The following ULK4 variants were observed in gnomAD, a reference collection of about 807,000 sequenced individuals.
The protein encoded by ULK4 is unc-51 like kinase 4.
ULK4 carries 133 observed loss-of-function variants against 160.6 expected under a neutral mutation model. The observed-to-expected ratio is 0.83, with a 90% CI of 0.72 to 0.96. ULK4 has a LOEUF of 0.96. Ranked by LOEUF, ULK4 falls within the 40% of genes least tolerant of loss-of-function variation. The pLI is 0.00. For missense variants in ULK4, 1,580 were observed against 1,499.5 expected (o/e 1.05, Z -0.89); for synonymous variants, 534 against 539.8 (o/e 0.99, Z 0.15).
intron 34 of ULK4, among the ~76,000 whole-genome samples, chr3:41,442,763 T>C (rs901371858): frequency 3.3e-5 from 5 of 152,116 alleles, no homozygotes; most frequent in African/African-American, 7.2e-5. Context: ...CTGGTCCTTA[T>C]TGTTGATTAT....
At chr3:41,961,689 CGGTCCGCTCTG>C (rs1700679560) in intron 1 of ULK4, among the ~76,000 whole-genome samples, 1 of 152,100 alleles carries the variant, frequency 6.6e-6, no homozygotes, top group East Asian at 1.9e-4. Flanking sequence ...GGTGAAGACG[CGGTCCGCTCTG>C]GGAAGTTAAG....
In ULK4 at chr3:41,746,196, CAA is replaced by C. The variant is rs1435769840; in HGVS notation, c.2321+8163_2321+8164del. Among the ~76,000 whole-genome samples, 2 of 119,846 alleles carry C rather than the reference CAA, an allele frequency of 1.7e-5. 1 individual carries two copies. Among genetic ancestry groups the C allele is most frequent in the African/African-American group, 6.4e-5 (2 of 31,196 alleles). The allele number at this position is 119,846 out of a possible 152,430, so 78.6% of individuals were successfully genotyped here. A position where few individuals can be genotyped will look rare whatever the true frequency, so the allele number is the denominator to read the frequency against. ...GCAATAAAAATAAAGGGCACACAAACAAGAGAGAAGAAAAATAAAACTGTCCA... is the reference window on the plus strand; with the variant it reads ...GCAATAAAAATAAAGGGCACACAAACGAGAGAAGAAAAATAAAACTGTCCA... On this transcript the variant is annotated intron_variant, in intron 22 of 36. Coordinates refer to ENST00000301831, the MANE Select transcript of ULK4 (RefSeq NM_017886.4).
intron 31 of ULK4, among the ~76,000 whole-genome samples, chr3:41,602,973 T>C (rs756952891): frequency 4.6e-5 from 7 of 152,100 alleles, no homozygotes; most frequent in Non-Finnish European, 1.0e-4. Flanking sequence ...GCAGGCTTAA[T>C]ATGTAAAACA....
chr3:41,302,098 G>A (rs752757517), intron 35 of ULK4, among the ~76,000 whole-genome samples: 1 of 152,112 alleles, frequency 6.6e-6, no homozygotes, highest in Non-Finnish European at 1.5e-5. Context: ...AGAATGTTTG[G>A]CAAACAAAGA....
At chr3:41,812,370 T>C (rs1256152777) in intron 19 of ULK4, among the ~76,000 whole-genome samples, 2 of 151,900 alleles carry the variant, frequency 1.3e-5, no homozygotes, top group Non-Finnish European at 2.9e-5. Context: ...CAGATGTAAA[T>C]GATCAGATGG....
intron 3 of ULK4, among the ~76,000 whole-genome samples, chr3:41,936,345 T>C (rs779185489): frequency 2.6e-5 from 4 of 152,236 alleles, no homozygotes; most frequent in Non-Finnish European, 5.9e-5. Flanking sequence ...AAAAAGACTA[T>C]GCCTTTCCTT....
At chr3:41,683,958 G>T (rs906184910) in intron 27 of ULK4, among the ~76,000 whole-genome samples, 2 of 152,170 alleles carry the variant, frequency 1.3e-5, no homozygotes, top group Non-Finnish European at 2.9e-5. Context: ...CTGATAGCAC[G>T]TGGGTCCACA....
At chr3:41,947,285 C>T (rs772910284) in intron 2 of ULK4, among the ~76,000 whole-genome samples, 5 of 152,026 alleles carry the variant, frequency 3.3e-5, no homozygotes, top group Non-Finnish European at 5.9e-5. Context: ...CACTCCAGCC[C>T]GGGCGACAGA....
At chr3:41,284,644 A>G (rs998515001) in intron 35 of ULK4, among the ~76,000 whole-genome samples, 1 of 152,222 alleles carries the variant, frequency 6.6e-6, no homozygotes, top group African/African-American at 2.4e-5. Flanking sequence ...TAAAAATTCT[A>G]GAAGATAACA....
intron 32 of ULK4, among the ~76,000 whole-genome samples, chr3:41,562,538 A>G (rs7617281): frequency 0.62 from 94,367 of 151,958 alleles, 30,299 homozygotes; most frequent in Admixed American, 0.73. Flanking sequence ...TATGAATCTG[A>G]GTGATACTGT....
At chr3:41,827,401 G>C (rs1319144650) in intron 18 of ULK4, among the ~76,000 whole-genome samples, 2 of 152,016 alleles carry the variant, frequency 1.3e-5, no homozygotes, top group South Asian at 2.1e-4. Flanking sequence ...CAACAAAATT[G>C]ATAGACCACT....
rs1416818621 is a variant in ULK4 at position 41,717,845 on chromosome 3, C to T, written c.2338G>A (p.Glu780Lys). 2 of 1,614,006 alleles carry T rather than the reference C, an allele frequency of 1.2e-6. No individual in the cohort carries two copies. The highest frequency in any genetic ancestry group is 2.2e-5 in the South Asian group (2 of 91,074). ...SCQARLVMYIERDSRKTTPGK... is the reference protein window; with the variant it reads ...SCQARLVMYIKRDSRKTTPGK... Reference sequence around the variant, plus strand: ...GGAGTGGTCTTTCTGCTGTCTCTCTCGATGTACATCACCAGTCTACATACA... The same window carrying T: ...GGAGTGGTCTTTCTGCTGTCTCTCTTGATGTACATCACCAGTCTACATACA... The change falls in exon 23 of 37, where the codon GAG becomes AAG. Residue 780 changes from glutamate to lysine, a missense_variant. Glu to Lys is a moderately conservative substitution (Grantham distance 56). Transcript: ENST00000301831.
At chr3:41,597,689 T>C (rs2031787355) in intron 31 of ULK4, among the ~76,000 whole-genome samples, 1 of 152,208 alleles carries the variant, frequency 6.6e-6, no homozygotes, top group Non-Finnish European at 1.5e-5. Context: ...GAGACAGCAC[T>C]GCCCACAGGT....
chr3:41,735,333 G>A (rs957029496), intron 22 of ULK4, among the ~76,000 whole-genome samples: 1 of 152,086 alleles, frequency 6.6e-6, no homozygotes, highest in African/African-American at 2.4e-5. Flanking sequence ...TTTATATTGT[G>A]TAAAGTCAGT....
chr3:41,619,260 C>CTGGAACAAG (rs2125688089), intron 30 of ULK4, among the ~76,000 whole-genome samples: 1 of 152,162 alleles, frequency 6.6e-6, no homozygotes, highest in Non-Finnish European at 1.5e-5. Flanking sequence ...GAACTCAGCT[C>CTGGAACAAG]TGGACCAAGT....
chr3:41,466,467 A>T (rs1170603105), intron 32 of ULK4, among the ~76,000 whole-genome samples: 1 of 152,144 alleles, frequency 6.6e-6, no homozygotes, highest in African/African-American at 2.4e-5. Context: ...AAATGGGGGG[A>T]AAAGAGAGAT....
chr3:41,679,724 C>A (rs2035858653), intron 29 of ULK4, among the ~76,000 whole-genome samples: 1 of 152,148 alleles, frequency 6.6e-6, no homozygotes. Flanking sequence ...AATGTGGTTT[C>A]AGATTAACAG....
intron 30 of ULK4, among the ~76,000 whole-genome samples, chr3:41,660,026 A>C (rs1297602491): frequency 6.6e-6 from 1 of 152,178 alleles, no homozygotes; most frequent in Non-Finnish European, 1.5e-5. Flanking sequence ...AAGGTGGCTC[A>C]CGCCTGTAAT....
chr3:41,600,817 T>C (rs952353561), intron 31 of ULK4, among the ~76,000 whole-genome samples: 1 of 152,200 alleles, frequency 6.6e-6, no homozygotes, highest in Non-Finnish European at 1.5e-5. Context: ...ACCAGCTGAC[T>C]GAATTTAGCA....
Sources: gnomAD v4.1 joint callset for allele counts (sites outside exome capture counted in the v4.1 genomes callset) on GRCh38, gnomAD v4.1.1 for gene constraint, MANE v1.5 for transcripts, NCBI Gene and HGNC (gene_info 2026-07-23, HGNC 2026-07-21) for gene names.